The following TNR variants were observed in gnomAD, a reference collection of about 807,000 sequenced individuals.
The protein encoded by TNR is tenascin R.
In TNR, 45 loss-of-function variants were observed where a neutral mutation model predicts 150.4. The ratio of observed to expected loss-of-function variants is 0.30; its 90% CI spans 0.24 to 0.38. TNR has a LOEUF of 0.38. Ranked by LOEUF, TNR falls within the 10% of genes least tolerant of loss-of-function variation. The pLI is 1.00. For missense variants in TNR, 1,544 were observed against 1,759.1 expected, an observed-to-expected ratio of 0.88 and a Z score of 2.19; for synonymous variants, 687 against 678.4, an observed-to-expected ratio of 1.01 and a Z score of -0.20.
At position 175,324,342 on chromosome 1, in the gene TNR, G is replaced by A. The variant is rs1183790696; in HGVS notation, c.3957+14C>T. On this transcript the variant is annotated intron_variant, in intron 22 of 22. Coordinates refer to ENST00000367674, the MANE Select transcript of TNR (RefSeq NM_003285.3). ...GCTCTGGCTCATTCATAGCAGAGGT[G>A]GAGCATCGCTTACCTGACTGTGCCT... 1.2e-6 allele frequency: 2 copies of A among 1,610,670 alleles called. No individual in the cohort carries two copies. The highest frequency in any genetic ancestry group is 1.8e-4 in the Middle Eastern group (1 of 5,432).
intron 2 of TNR, among the ~76,000 whole-genome samples, chr1:175,496,401 A>G (rs1195597549): frequency 6.6e-6 from 1 of 152,108 alleles, no homozygotes; most frequent in Non-Finnish European, 1.5e-5. Flanking sequence ...TCCTTATTCC[A>G]TGAAATAAGT....
At chr1:175,742,918 A>C (rs567011680) in intron 1 of TNR, among the ~76,000 whole-genome samples, 1 of 151,538 alleles carries the variant, frequency 6.6e-6, no homozygotes, top group African/African-American at 2.4e-5. Flanking sequence ...GACACGCAGA[A>C]ACCACCCGCA....
chr1:175,339,798 T>A (rs1650424396), intron 18 of TNR, among the ~76,000 whole-genome samples: 1 of 152,036 alleles, frequency 6.6e-6, no homozygotes, highest in Admixed American at 6.6e-5. Flanking sequence ...ACAAAACATC[T>A]CCCCACAAAT....
At chr1:175,610,049 AT>A (rs1456110398) in intron 1 of TNR, among the ~76,000 whole-genome samples, 1 of 152,248 alleles carries the variant, frequency 6.6e-6, no homozygotes, top group Admixed American at 6.5e-5. Flanking sequence ...GGCCTAAACA[AT>A]TTTGAACATA....
chr1:175,370,084 C>G (rs900487218), intron 9 of TNR, among the ~76,000 whole-genome samples: 1 of 152,136 alleles, frequency 6.6e-6, no homozygotes, highest in African/African-American at 2.4e-5. Context: ...TGGAGGTAAA[C>G]TTTGAAGTTT....
Position 175,734,730 on chromosome 1 carries a change from T to C in TNR, c.-165+8496A>G, listed in dbSNP as rs79671217. On this transcript the variant is annotated intron_variant, in intron 1 of 22. Coordinates refer to ENST00000367674, the MANE Select transcript of TNR (RefSeq NM_003285.3). ...TCCCTTTTTCTCTTTTTTCTTCCTG[T>C]TTTTAAACAGCCCTCGCAGAAAAGG... Among the ~76,000 whole-genome samples the C allele has an allele frequency of 3.0e-3, 453 of 152,342 alleles. 2 individuals are homozygous for C. The highest frequency in any genetic ancestry group is 0.01 in the African/African-American group (436 of 41,582).
Position 175,646,015 on chromosome 1 carries a change from T to C in TNR, c.-165+97211A>G, listed in dbSNP as rs75154574. ...AGAAAGGATTTAGACAAAGATAATTTTTTCCTAATGCTCAGGTGCCAAGGC... is the reference window on the plus strand; with the variant it reads ...AGAAAGGATTTAGACAAAGATAATTCTTTCCTAATGCTCAGGTGCCAAGGC... On this transcript the variant is annotated intron_variant, in intron 1 of 22. Transcript: ENST00000367674. 3.3e-3 allele frequency among the ~76,000 whole-genome samples: 502 copies of C among 152,316 alleles called. 6 individuals are homozygous for C. Among genetic ancestry groups the C allele is most frequent in the African/African-American group, 0.011 (472 of 41,568 alleles).
chr1:175,601,014 G>C lies in TNR; in HGVS notation c.-164-72645C>G, dbSNP rs185385099. Among the ~76,000 whole-genome samples, 441 of 152,322 alleles carry C rather than the reference G, an allele frequency of 2.9e-3. 2 individuals are homozygous for C. Among genetic ancestry groups the C allele is most frequent in the African/African-American group, 0.01 (419 of 41,574 alleles). On this transcript the variant is annotated intron_variant, in intron 1 of 22. Coordinates refer to ENST00000367674, the MANE Select transcript of TNR (RefSeq NM_003285.3). ...TTGTTTAGATAAACTTTGCTGAGGA[G>C]ATCAAATCACTTTGCTTATAACAGA...
At chr1:175,531,412 C>T (rs1660060499) in intron 1 of TNR, among the ~76,000 whole-genome samples, 2 of 152,162 alleles carry the variant, frequency 1.3e-5, no homozygotes, top group African/African-American at 4.8e-5. Context: ...ATTATCACAG[C>T]CATTCTTGAA....
intron 2 of TNR, among the ~76,000 whole-genome samples, chr1:175,420,862 T>C (rs1329594762): frequency 6.6e-6 from 1 of 152,188 alleles, no homozygotes; most frequent in Non-Finnish European, 1.5e-5. Context: ...TAAAAAGGAA[T>C]CCAGCTCACA....
chr1:175,543,878 G>C (rs1160431733), intron 1 of TNR, among the ~76,000 whole-genome samples: 1 of 152,072 alleles, frequency 6.6e-6, no homozygotes, highest in Non-Finnish European at 1.5e-5. Flanking sequence ...AAGGTGCCCA[G>C]ACTAGGTCTT....
At chr1:175,431,340 T>C (rs1460927128) in intron 2 of TNR, among the ~76,000 whole-genome samples, 1 of 152,232 alleles carries the variant, frequency 6.6e-6, no homozygotes, top group Non-Finnish European at 1.5e-5. Flanking sequence ...CATGTATTTA[T>C]CTAACAAGCA....
chr1:175,370,338 C>CTTTTTTTTTTTT lies in TNR; in HGVS notation c.1964-3053_1964-3042dup, dbSNP rs55795922. Among the ~76,000 whole-genome samples, 34 of 42,974 alleles carry CTTTTTTTTTTTT rather than the reference C, an allele frequency of 7.9e-4. 4 individuals are homozygous for CTTTTTTTTTTTT. The highest frequency in any genetic ancestry group is 1.9e-3 in the African/African-American group (23 of 11,804). 28.2% of individuals were successfully genotyped at this position (42,974 alleles called of 152,430 possible). On this transcript the variant is annotated intron_variant, in intron 9 of 22. Coordinates refer to ENST00000367674, the MANE Select transcript of TNR (RefSeq NM_003285.3). ...GAGAACTATTCCTGGATTTTGAGTACTTTTTTTTTTTTTTTTTTTTTTTTT... is the reference window on the plus strand; with the variant it reads ...GAGAACTATTCCTGGATTTTGAGTACTTTTTTTTTTTTTTTTTTTTTTTTTTTTTTTTTTTTT...
intron 2 of TNR, among the ~76,000 whole-genome samples, chr1:175,497,754 C>T (rs922003344): frequency 3.9e-5 from 6 of 152,120 alleles, no homozygotes; most frequent in African/African-American, 1.4e-4. Context: ...TAATAATCAC[C>T]AGTGCTTATG....
At chr1:175,398,342 T>G (rs1029267334) in intron 4 of TNR, among the ~76,000 whole-genome samples, 3 of 152,146 alleles carry the variant, frequency 2.0e-5, no homozygotes, top group African/African-American at 7.2e-5. Flanking sequence ...AAAACAAAAA[T>G]TAAAAAAAAT....
chr1:175,412,951 T>G (rs1654276331), intron 2 of TNR, among the ~76,000 whole-genome samples: 1 of 152,254 alleles, frequency 6.6e-6, no homozygotes, highest in African/African-American at 2.4e-5. Flanking sequence ...CTTCTGGCTT[T>G]ATTCTCTACT....
At chr1:175,567,774 C>T (rs779003166) in intron 1 of TNR, among the ~76,000 whole-genome samples, 7 of 152,102 alleles carry the variant, frequency 4.6e-5, no homozygotes, top group Non-Finnish European at 7.3e-5. Context: ...AAGCATGGCC[C>T]TCCAACTCCT....
At chr1:175,668,541 C>T (rs73033400) in intron 1 of TNR, among the ~76,000 whole-genome samples, 2,690 of 152,214 alleles carry the variant, frequency 0.018, 79 homozygotes, top group African/African-American at 0.062. Flanking sequence ...TAGAACGATG[C>T]AAGTGCCCTG....
intron 2 of TNR, among the ~76,000 whole-genome samples, chr1:175,429,977 C>T (rs10912977): frequency 0.25 from 37,833 of 151,544 alleles, 5,044 homozygotes; most frequent in East Asian, 0.52. Context: ...GTACTTTGTG[C>T]AACTTTACAA....
Sources: allele counts gnomAD v4.1 joint callset (sites outside exome capture counted in the v4.1 genomes callset), GRCh38; gene constraint gnomAD v4.1.1; transcripts MANE v1.5; gene names NCBI Gene and HGNC (gene_info 2026-07-23, HGNC 2026-07-21).